The following SCAPER variants were observed in gnomAD, a reference collection of about 807,000 sequenced individuals.
The protein encoded by SCAPER is S-phase cyclin A associated protein in the ER.
SCAPER carries 98 observed loss-of-function variants against 182.2 expected under a neutral mutation model. That is an observed-to-expected ratio of 0.54 (90% CI 0.46 to 0.64). SCAPER has a LOEUF of 0.64. Ranked by LOEUF, SCAPER falls within the 30% of genes least tolerant of loss-of-function variation. The pLI, the probability that SCAPER is intolerant of heterozygous loss-of-function variation, is 0.00. For synonymous variants in SCAPER, 605 were observed against 564.6 expected (o/e 1.07, Z -1.01); for missense variants, 1,432 against 1,690.0 (o/e 0.85, Z 2.68).
intron 27 of SCAPER, among the ~76,000 whole-genome samples, chr15:76,401,689 T>A (rs2044467994): frequency 6.6e-6 from 1 of 152,202 alleles, no homozygotes; most frequent in African/African-American, 2.4e-5. Context: ...CACAGCTACA[T>A]CAAACTAAAC....
chr15:76,823,147 A>G (rs965252278), intron 5 of SCAPER, among the ~76,000 whole-genome samples: 9 of 152,188 alleles, frequency 5.9e-5, no homozygotes, highest in Admixed American at 3.9e-4. Context: ...TTTTTCACTT[A>G]TAAGTGTTTT....
intron 23 of SCAPER, among the ~76,000 whole-genome samples, chr15:76,551,664 A>G (rs1480398004): frequency 2.6e-5 from 4 of 152,152 alleles, no homozygotes; most frequent in East Asian, 3.8e-4. Flanking sequence ...ATAGTTAACA[A>G]TACTCTGTAT....
At chr15:76,564,768 T>G (rs1233493802) in intron 23 of SCAPER, among the ~76,000 whole-genome samples, 1 of 152,306 alleles carries the variant, frequency 6.6e-6, no homozygotes, top group South Asian at 2.1e-4. Context: ...AACTTTAAAC[T>G]ATATTACAGG....
chr15:76,711,229 C>A (rs549350371), intron 17 of SCAPER, among the ~76,000 whole-genome samples: 2 of 152,200 alleles, frequency 1.3e-5, no homozygotes, highest in Admixed American at 1.3e-4. Context: ...AACTCACATT[C>A]TTCAAAGACA....
chr15:76,899,859 C>G (rs1435477290), intron 1 of SCAPER, among the ~76,000 whole-genome samples: 3 of 152,110 alleles, frequency 2.0e-5, no homozygotes, highest in African/African-American at 7.2e-5. Context: ...CAGCGACTAT[C>G]GAGAACGGGC....
intron 25 of SCAPER, among the ~76,000 whole-genome samples, chr15:76,448,180 T>G (rs2048131890): frequency 6.6e-6 from 1 of 152,188 alleles, no homozygotes; most frequent in Non-Finnish European, 1.5e-5. Context: ...TGAAGGATTC[T>G]AAGCTAGAAG....
chr15:76,785,091 G>A (rs917515162), intron 8 of SCAPER, among the ~76,000 whole-genome samples: 1 of 152,160 alleles, frequency 6.6e-6, no homozygotes, highest in Admixed American at 6.5e-5. Flanking sequence ...GAGTGAACAG[G>A]CATCCTACAG....
At chr15:76,539,260 C>G (rs1402766604) in intron 23 of SCAPER, among the ~76,000 whole-genome samples, 1 of 152,072 alleles carries the variant, frequency 6.6e-6, no homozygotes, top group Non-Finnish European at 1.5e-5. Context: ...ACAAAAACCT[C>G]AAAGTGGAAT....
intron 23 of SCAPER, among the ~76,000 whole-genome samples, chr15:76,511,843 A>G (rs2459362): frequency 0.67 from 82,752 of 123,500 alleles, 30,012 homozygotes; most frequent in South Asian, 0.83. Context: ...ATATATATAT[A>G]TGTGTGTGTG....
chr15:76,705,548 T>TAA (rs2059215977), intron 18 of SCAPER, among the ~76,000 whole-genome samples: 1 of 144,088 alleles, frequency 6.9e-6, no homozygotes, highest in Non-Finnish European at 1.5e-5. Flanking sequence ...TAAAGTATAA[T>TAA]TAAAAAAAAA....
At position 76,757,738 on chromosome 15, in the gene SCAPER, G is replaced by T. The variant is rs186549832; in HGVS notation, c.1726-3790C>A. On this transcript the variant is annotated intron_variant, in intron 14 of 31. Coordinates refer to ENST00000563290, the MANE Select transcript of SCAPER (RefSeq NM_020843.4). ...ACATTCCTACCAACAGCATACAAGG[G>T]TTCCATTTTCTCCACATCCTCCCCA... Among the ~76,000 whole-genome samples, 44 of 152,198 alleles carry T rather than the reference G, an allele frequency of 2.9e-4. No homozygotes were observed. In the East Asian group the frequency reaches 8.3e-3, roughly 29 times the overall value.
chr15:76,726,927 T>C (rs1459086157), intron 17 of SCAPER, among the ~76,000 whole-genome samples: 1 of 152,042 alleles, frequency 6.6e-6, no homozygotes, highest in Non-Finnish European at 1.5e-5. Flanking sequence ...ATGGTGGTGA[T>C]AGTTTCATAA....
chr15:76,584,979 T>C (rs1305068389), intron 22 of SCAPER, among the ~76,000 whole-genome samples: 2 of 152,246 alleles, frequency 1.3e-5, no homozygotes, highest in African/African-American at 4.8e-5. Flanking sequence ...AAAAAGGCAC[T>C]GGTGAACTTC....
intron 22 of SCAPER, among the ~76,000 whole-genome samples, chr15:76,585,888 G>A (rs911719970): frequency 6.6e-6 from 1 of 152,154 alleles, no homozygotes; most frequent in Non-Finnish European, 1.5e-5. Context: ...AAAAACAGGA[G>A]CTGCTTAGAG....
chr15:76,348,754 G>C lies in SCAPER; in HGVS notation c.4100-18C>G, dbSNP rs1596247526. 7.0e-7 allele frequency: 1 copy of C among 1,423,112 alleles called. No individual in the cohort carries two copies. Among genetic ancestry groups the C allele is most frequent in the East Asian group, 2.5e-5 (1 of 39,568 alleles). The allele number at this position is 1,423,112 out of a possible 1,614,324, so 88.2% of individuals were successfully genotyped here. ...GCATTTCCCTGAGAGGGGGATAAAAGAGAAAAAAGTTAAATAAAAGAGGGT... is the reference window on the plus strand; with the variant it reads ...GCATTTCCCTGAGAGGGGGATAAAACAGAAAAAAGTTAAATAAAAGAGGGT... On this transcript the variant is annotated intron_variant, in intron 31 of 31. Transcript: ENST00000563290.
chr15:76,374,015 C>G (rs1260072329), intron 29 of SCAPER, among the ~76,000 whole-genome samples: 1 of 151,622 alleles, frequency 6.6e-6, no homozygotes, highest in East Asian at 1.9e-4. Flanking sequence ...CTGCCCAGAT[C>G]TAGTTTGCTG....
intron 22 of SCAPER, among the ~76,000 whole-genome samples, chr15:76,598,338 T>C (rs2049661160): frequency 8.2e-6 from 1 of 121,506 alleles, no homozygotes; most frequent in South Asian, 2.5e-4. Context: ...AGGAACACTT[T>C]TTACACTGTT....
At chr15:76,495,380 C>T (rs1008594244) in intron 24 of SCAPER, among the ~76,000 whole-genome samples, 1 of 151,874 alleles carries the variant, frequency 6.6e-6, no homozygotes, top group African/African-American at 2.4e-5. Flanking sequence ...GAGTTTGAAA[C>T]CAGCCTGGCC....
At chr15:76,530,790 G>A (rs901958811) in intron 23 of SCAPER, among the ~76,000 whole-genome samples, 4 of 152,074 alleles carry the variant, frequency 2.6e-5, no homozygotes, top group East Asian at 1.9e-4. Flanking sequence ...AGGAAAAAGC[G>A]AAAGGAAAGG....
Sources: allele counts gnomAD v4.1 joint callset (sites outside exome capture counted in the v4.1 genomes callset), GRCh38; gene constraint gnomAD v4.1.1; transcripts MANE v1.5; gene names NCBI Gene and HGNC (gene_info 2026-07-23, HGNC 2026-07-21).